The following PRUNE2 variants were observed in gnomAD, a reference collection of about 807,000 sequenced individuals.
PRUNE2 encodes the protein prune homolog 2 with BCH domain.
A neutral mutation model predicts 252.0 loss-of-function variants in PRUNE2; 164 were observed. That is an observed-to-expected ratio of 0.65 (90% CI 0.57 to 0.74). PRUNE2 has a LOEUF of 0.74. Among genes scored for constraint, PRUNE2 ranks in the 30% least tolerant of loss-of-function variants. PRUNE2 has a pLI of 0.00. For missense variants in PRUNE2, 3,495 were observed against 3,711.0 expected (o/e 0.94, Z 1.51); for synonymous variants, 1,292 against 1,350.2 (o/e 0.96, Z 0.94).
At chr9:76,655,223 C>T (rs901663858) in intron 10 of PRUNE2, among the ~76,000 whole-genome samples, 200 bp downstream of exon 10, 1 of 152,322 alleles carries the variant, frequency 6.6e-6, no homozygotes, top group African/African-American at 2.4e-5. Context: ...GCAGCCCACA[C>T]TAGCGAGCAT....
chr9:76,873,999 A>C (rs1413859107), intron 1 of PRUNE2, among the ~76,000 whole-genome samples: 32 of 152,214 alleles, frequency 2.1e-4, no homozygotes, highest in Non-Finnish European at 2.9e-5. Context: ...AAAACAGGGC[A>C]ACTTATCTTG....
At chr9:76,753,995 C>T (rs529478824) in intron 6 of PRUNE2, among the ~76,000 whole-genome samples, 2 of 151,372 alleles carry the variant, frequency 1.3e-5, no homozygotes, top group Non-Finnish European at 2.9e-5. Flanking sequence ...AGTGACTAGA[C>T]ATGGTTCAGA....
chr9:76,795,579 T>A (rs1237309908), intron 6 of PRUNE2, among the ~76,000 whole-genome samples: 1 of 152,170 alleles, frequency 6.6e-6, no homozygotes, highest in Non-Finnish European at 1.5e-5. Context: ...AAAAGTGATG[T>A]GATCATGTTA....
chr9:76,695,916 A>G (rs2045340487), intron 9 of PRUNE2, among the ~76,000 whole-genome samples: 1 of 152,164 alleles, frequency 6.6e-6, no homozygotes, highest in African/African-American at 2.4e-5. Context: ...ATGGAAAAAA[A>G]AAAGTAGTAG....
At chr9:76,815,366 G>A (rs2057618486) in intron 6 of PRUNE2, among the ~76,000 whole-genome samples, 1 of 152,160 alleles carries the variant, frequency 6.6e-6, no homozygotes, top group African/African-American at 2.4e-5. Context: ...ATTTCTTATA[G>A]TTCTAGAGGC....
At chr9:76,811,083 T>G (rs2057327268) in intron 6 of PRUNE2, among the ~76,000 whole-genome samples, 1 of 152,150 alleles carries the variant, frequency 6.6e-6, no homozygotes. Context: ...CAGCTGCTAT[T>G]AAAAGTAACA....
intron 16 of PRUNE2, among the ~76,000 whole-genome samples, chr9:76,626,141 C>T (rs1408775996): frequency 6.6e-6 from 1 of 152,344 alleles, no homozygotes; most frequent in African/African-American, 2.4e-5. Context: ...AGGAACTGAA[C>T]ATCCTGTATT....
At chr9:76,733,832 CTG>C (rs1403272118) in intron 6 of PRUNE2, 3 of 152,070 alleles carry the variant, frequency 2.0e-5, no homozygotes, top group East Asian at 3.9e-4. Flanking sequence ...AATATAATAA[CTG>C]TCATTTTACT....
At position 76,703,809 on chromosome 9, in the gene PRUNE2, A is replaced by C. The variant is rs375292576; in HGVS notation, c.7804T>G (p.Ser2602Ala). Residue 2602 changes from serine (S) to alanine (A), a missense_variant, in exon 9 of 19, where the codon TCC becomes GCC. By Grantham distance (99) the Ser-to-Ala change is moderately conservative (BLOSUM62 1). Transcript: ENST00000376718. The stretch of plus-strand genomic sequence containing the variant: ...GAGAGACCTTTTCTTTCATTTAAGG[A>C]GGCTGGCTGACATGTGTCTGGGAAG... ...ASFPDTCQPA[S>A]LNERKGLSAE... 2.7e-5 allele frequency: 43 copies of C among 1,613,806 alleles called. No homozygotes were observed. Among genetic ancestry groups the C allele is most frequent in the Middle Eastern group, 3.3e-4 (2 of 6,084 alleles).
At position 76,840,548 on chromosome 9, in the gene PRUNE2, T is replaced by A. The variant is rs866689541; in HGVS notation, c.508+5967A>T. ...ATTGTCCACTGAGGTCTAATTATGA[T>A]GCTTTTAAAGACTCTTTCAAGTCTC... On this transcript the variant is annotated intron_variant, in intron 4 of 18. Transcript: ENST00000376718. 2.0e-5 allele frequency among the ~76,000 whole-genome samples: 3 copies of A among 152,246 alleles called. No individual in the cohort carries two copies. In the South Asian group the frequency reaches 6.2e-4, roughly 31 times the overall value.
chr9:76,881,835 C>G (rs957420591), intron 1 of PRUNE2, among the ~76,000 whole-genome samples: 1 of 152,018 alleles, frequency 6.6e-6, no homozygotes, highest in Non-Finnish European at 1.5e-5. Flanking sequence ...ATCGGCCAGG[C>G]TGGTCTTGAA....
intron 6 of PRUNE2, chr9:76,782,831 G>C (rs1046075128): frequency 1.3e-5 from 2 of 152,204 alleles, no homozygotes; most frequent in Non-Finnish European, 2.9e-5. Flanking sequence ...TCAATGGCAG[G>C]GGTGAGTTAC....
At chr9:76,693,633 G>A (rs1011052552) in intron 9 of PRUNE2, among the ~76,000 whole-genome samples, 12 of 151,868 alleles carry the variant, frequency 7.9e-5, no homozygotes, top group Middle Eastern at 3.4e-3. Flanking sequence ...TAGTGGAGAC[G>A]GGGTTTCATC....
chr9:76,724,091 G>A (rs192700746), intron 6 of PRUNE2, among the ~76,000 whole-genome samples: 194 of 145,202 alleles, frequency 1.3e-3, no homozygotes, highest in Middle Eastern at 6.9e-3. Context: ...CACCGCACCC[G>A]GCCAGCATAT....
At chr9:76,729,652 A>C (rs1422479241) in intron 6 of PRUNE2, among the ~76,000 whole-genome samples, 1 of 152,172 alleles carries the variant, frequency 6.6e-6, no homozygotes, top group Non-Finnish European at 1.5e-5. Flanking sequence ...GTTAAAAAGA[A>C]ATGTTTTATT....
Position 76,708,236 on chromosome 9 carries a change from G to C in PRUNE2, c.4038C>G (p.Ala1346=), listed in dbSNP as rs374941248. The part of the protein sequence containing the change: ...RGHLDEEEVI[A]SGVENASGIS... ...TCCCTGAGGCATTCTCCACACCAGAGGCGATCACCTCCTCTTCATCAAGGT... is the reference window on the plus strand; with the variant it reads ...TCCCTGAGGCATTCTCCACACCAGACGCGATCACCTCCTCTTCATCAAGGT... Residue 1346 remains alanine, a synonymous_variant, in exon 8 of 19, where the codon GCC becomes GCG. Coordinates refer to ENST00000376718, the MANE Select transcript of PRUNE2 (RefSeq NM_015225.3). 6.2e-7 allele frequency: 1 copy of C among 1,613,894 alleles called. No individual in the cohort carries two copies. The highest frequency in any genetic ancestry group is 8.5e-7 in the Non-Finnish European group (1 of 1,179,878).
At chr9:76,684,467 A>G (rs1044661164) in intron 9 of PRUNE2, among the ~76,000 whole-genome samples, 1 of 152,252 alleles carries the variant, frequency 6.6e-6, no homozygotes, top group East Asian at 1.9e-4. Context: ...TCTCAGTCTC[A>G]TTTCCTCCAC....
intron 6 of PRUNE2, among the ~76,000 whole-genome samples, chr9:76,743,798 A>C (rs961003583): frequency 6.6e-6 from 1 of 152,322 alleles, no homozygotes; most frequent in Non-Finnish European, 1.5e-5. Flanking sequence ...CAGTTGTGTA[A>C]ACACAGAATT....
chr9:76,836,207 T>C (rs1212856996), intron 4 of PRUNE2, among the ~76,000 whole-genome samples: 2 of 151,526 alleles, frequency 1.3e-5, no homozygotes, highest in Non-Finnish European at 2.9e-5. Context: ...CACACATCTC[T>C]GGAGAAATAA....
Sources: gnomAD v4.1 joint callset for allele counts (sites outside exome capture counted in the v4.1 genomes callset) on GRCh38, gnomAD v4.1.1 for gene constraint, MANE v1.5 for transcripts, NCBI Gene and HGNC (gene_info 2026-07-23, HGNC 2026-07-21) for gene names.